The following AFF3 variants were observed in gnomAD, a reference collection of about 807,000 sequenced individuals.
The protein encoded by AFF3 is ALF transcription elongation factor 3.
In AFF3, 32 loss-of-function variants were observed where a neutral mutation model predicts 129.7. The observed-to-expected ratio is 0.25, with a 90% CI of 0.19 to 0.33. The LOEUF is 0.33. Among genes scored for constraint, AFF3 ranks in the 10% least tolerant of loss-of-function variants. The probability of loss-of-function intolerance (pLI) is 1.00; values close to 1 mark genes in which losing one functional copy is unlikely to be tolerated. For missense variants in AFF3, 1,373 were observed against 1,592.0 expected (o/e 0.86, Z 2.34); for synonymous variants, 644 against 635.4 (o/e 1.01, Z -0.20).
intron 10 of AFF3, among the ~76,000 whole-genome samples, chr2:99,734,551 T>G (rs1680096528): frequency 6.6e-6 from 1 of 152,140 alleles, no homozygotes; most frequent in Admixed American, 6.5e-5. Flanking sequence ...TGGGCTTCTA[T>G]TCCTGATTTG....
intron 4 of AFF3, among the ~76,000 whole-genome samples, chr2:100,009,582 C>A (rs944656769): frequency 2.0e-5 from 3 of 152,060 alleles, no homozygotes; most frequent in Admixed American, 2.0e-4. Context: ...GGGGAGAGAA[C>A]GGAAATTGAA....
chr2:99,708,051 C>T (rs112159479), intron 11 of AFF3, among the ~76,000 whole-genome samples: 2 of 152,190 alleles, frequency 1.3e-5, no homozygotes, highest in African/African-American at 4.8e-5. Context: ...TTCAGGTAAA[C>T]AACAAACAAA....
At chr2:100,066,338 T>C (rs1687713858) in intron 4 of AFF3, among the ~76,000 whole-genome samples, 1 of 151,874 alleles carries the variant, frequency 6.6e-6, no homozygotes, top group South Asian at 2.1e-4. Flanking sequence ...GAGGAAGGGG[T>C]GGTATCTGAA....
intron 11 of AFF3, among the ~76,000 whole-genome samples, chr2:99,723,462 G>A (rs909665957): frequency 1.1e-4 from 16 of 152,288 alleles, no homozygotes; most frequent in African/African-American, 3.8e-4. Flanking sequence ...GGATGTATAG[G>A]CCTTACTGAA....
At chr2:99,585,816 C>T (rs1678052906) in intron 16 of AFF3, among the ~76,000 whole-genome samples, 1 of 152,200 alleles carries the variant, frequency 6.6e-6, no homozygotes, top group Non-Finnish European at 1.5e-5. Context: ...GCAACCTCTG[C>T]CTCCCGGGTT....
At chr2:99,906,359 C>T (rs1354865649) in intron 7 of AFF3, among the ~76,000 whole-genome samples, 1 of 152,126 alleles carries the variant, frequency 6.6e-6, no homozygotes, top group Non-Finnish European at 1.5e-5. Context: ...AGATTCAGGA[C>T]TTCTCAACTA....
intron 2 of AFF3, among the ~76,000 whole-genome samples, chr2:100,124,672 TGG>T (rs751129569): frequency 2.9e-5 from 3 of 102,548 alleles, no homozygotes; most frequent in Non-Finnish European, 4.0e-5. Flanking sequence ...AGGGGGGAGA[TGG>T]GGGGGTGTAT....
intron 4 of AFF3, among the ~76,000 whole-genome samples, chr2:100,069,900 T>G (rs1451655707): frequency 6.6e-6 from 1 of 152,160 alleles, no homozygotes; most frequent in Non-Finnish European, 1.5e-5. Context: ...TATCTCCCCA[T>G]TCTCAGGTAA....
In AFF3 at chr2:99,549,416, C is replaced by T. The variant is rs984476990; in HGVS notation, c.*2058G>A. 5.6e-6 allele frequency: 1 copy of T among 179,636 alleles called. No homozygotes were observed. Among genetic ancestry groups the T allele is most frequent in the Admixed American group, 6.3e-5 (1 of 15,878 alleles). The allele number at this position is 179,636 out of a possible 1,614,324, so 11.1% of individuals were successfully genotyped here. A position where few individuals can be genotyped will look rare whatever the true frequency, so the allele number is the denominator to read the frequency against. ...CCTGGCCAACATGGTGAAACCCAGT[C>T]TCTACTAAAAACACAAAAATTAGCT... On this transcript the variant is annotated 3_prime_UTR_variant, in exon 25 of 25. Coordinates refer to ENST00000672756, the MANE Select transcript of AFF3 (RefSeq NM_001386135.1).
At chr2:99,664,461 A>G (rs913734954) in intron 12 of AFF3, among the ~76,000 whole-genome samples, 3 of 152,272 alleles carry the variant, frequency 2.0e-5, no homozygotes, top group Non-Finnish European at 2.9e-5. Context: ...TGTAGTTTCA[A>G]TATAGCTTGA....
intron 8 of AFF3, among the ~76,000 whole-genome samples, chr2:99,830,314 C>T (rs1688423681): frequency 6.6e-6 from 1 of 152,028 alleles, no homozygotes; most frequent in African/African-American, 2.4e-5. Flanking sequence ...AATAAAAAAA[C>T]AAGAAACCAA....
intron 8 of AFF3, among the ~76,000 whole-genome samples, chr2:99,798,340 A>G (rs1371265499): frequency 6.6e-6 from 1 of 152,018 alleles, no homozygotes; most frequent in African/African-American, 2.4e-5. Flanking sequence ...AAGGGCAATA[A>G]TTATTCAATT....
At chr2:100,137,916 G>C (rs1692700387) in intron 1 of AFF3, among the ~76,000 whole-genome samples, 1 of 152,138 alleles carries the variant, frequency 6.6e-6, no homozygotes. Flanking sequence ...AGAATTCCTT[G>C]GTCTTCATAC....
rs112044523 is a variant in AFF3 at position 100,128,996 on chromosome 2, T to A, written c.-145+228A>T. Among the ~76,000 whole-genome samples, 302 of 152,256 alleles carry A rather than the reference T, an allele frequency of 2.0e-3. 1 individual carries two copies. The highest frequency in any genetic ancestry group is 4.4e-3 in the South Asian group (21 of 4,820). On this transcript the variant is annotated intron_variant, in intron 2 of 24. Coordinates refer to ENST00000672756, the MANE Select transcript of AFF3 (RefSeq NM_001386135.1). ...CCAATGGTCAGGGGGCTCCAGAGCATCTGCCTCTGGACACAACACAGGCCC... is the reference window on the plus strand; with the variant it reads ...CCAATGGTCAGGGGGCTCCAGAGCAACTGCCTCTGGACACAACACAGGCCC...
At chr2:99,813,798 C>T (rs1470710972) in intron 8 of AFF3, among the ~76,000 whole-genome samples, 1 of 152,100 alleles carries the variant, frequency 6.6e-6, no homozygotes, top group Non-Finnish European at 1.5e-5. Flanking sequence ...TAGATGGTAG[C>T]CACTACAGTA....
At chr2:99,910,160 C>T (rs1222117158) in intron 7 of AFF3, among the ~76,000 whole-genome samples, 1 of 152,128 alleles carries the variant, frequency 6.6e-6, no homozygotes, top group African/African-American at 2.4e-5. Context: ...AGACTATTCG[C>T]TAAATATTAA....
At chr2:99,828,525 G>C (rs1479801054) in intron 8 of AFF3, among the ~76,000 whole-genome samples, 2 of 152,200 alleles carry the variant, frequency 1.3e-5, no homozygotes, top group African/African-American at 4.8e-5. Flanking sequence ...CAGCAAGCAC[G>C]AACGTGTAGC....
intron 7 of AFF3, among the ~76,000 whole-genome samples, chr2:99,894,607 T>C (rs2106104638): frequency 6.6e-6 from 1 of 151,628 alleles, no homozygotes; most frequent in African/African-American, 2.4e-5. Context: ...TAGCTGGGAC[T>C]ACAGGCGCCC....
At chr2:99,573,262 T>TC (rs1559492224) in intron 18 of AFF3, among the ~76,000 whole-genome samples, 1 of 151,502 alleles carries the variant, frequency 6.6e-6, no homozygotes, top group Admixed American at 6.6e-5. Flanking sequence ...CTTCATTTCT[T>TC]TCTCTCTCTC....
Sources: allele counts gnomAD v4.1 joint callset (sites outside exome capture counted in the v4.1 genomes callset), GRCh38; gene constraint gnomAD v4.1.1; transcripts MANE v1.5; gene names NCBI Gene and HGNC (gene_info 2026-07-23, HGNC 2026-07-21).